The following GTF2H1 variants were observed in gnomAD, a reference collection of about 807,000 sequenced individuals.
GTF2H1 encodes the protein general transcription factor IIH subunit 1.
GTF2H1 carries 16 observed loss-of-function variants against 71.2 expected under a neutral mutation model. The observed-to-expected ratio is 0.22, with a 90% confidence interval of 0.15 to 0.34. The LOEUF (loss-of-function observed/expected upper bound fraction) is 0.34. Among genes scored for constraint, GTF2H1 ranks in the 10% least tolerant of loss-of-function variants. The pLI, the probability that GTF2H1 is intolerant of heterozygous loss-of-function variation, is 1.00. For missense variants in GTF2H1, 498 were observed against 648.2 expected (o/e 0.77, Z 2.52); for synonymous variants, 215 against 219.0 (o/e 0.98, Z 0.16).
intron 5 of GTF2H1, among the ~76,000 whole-genome samples, chr11:18,339,933 C>T (rs1865118031): frequency 6.6e-6 from 1 of 152,196 alleles, no homozygotes; most frequent in African/African-American, 2.4e-5. Context: ...CCACAAATTA[C>T]TTCCCGTGCA....
rs191989984 is a variant in GTF2H1, at chr11:18,322,602, C to A, written c.-154C>A. 2 of 152,278 alleles carry A rather than the reference C, an allele frequency of 1.3e-5. No individual in the cohort carries two copies. Among genetic ancestry groups the A allele is most frequent in the Non-Finnish European group, 2.9e-5 (2 of 68,086 alleles). The allele number at this position is 152,278 out of a possible 1,614,324, so 9.4% of individuals were successfully genotyped here. ...CAGCCAGCGATGGAGGCGAGACCCC[C>A]TAGTAACAGAGGCGGTGGCTACTGC... is the stretch of plus-strand genomic sequence containing the variant. On this transcript the variant is annotated 5_prime_UTR_variant, in exon 1 of 15. Coordinates refer to ENST00000265963, the MANE Select transcript of GTF2H1 (RefSeq NM_005316.4).
At chr11:18,342,655 C>T (rs758792159) in intron 7 of GTF2H1, among the ~76,000 whole-genome samples, 1 of 152,148 alleles carries the variant, frequency 6.6e-6, no homozygotes, top group Non-Finnish European at 1.5e-5. Flanking sequence ...ACATGGCCCT[C>T]TTTAATTATC....
intron 3 of GTF2H1, among the ~76,000 whole-genome samples, chr11:18,337,292 A>C (rs1423000147): frequency 6.6e-6 from 1 of 152,160 alleles, no homozygotes; most frequent in Non-Finnish European, 1.5e-5. Flanking sequence ...CTATGTATAC[A>C]AAAATTAGCT....
chr11:18,357,978 T>A lies in GTF2H1; in HGVS notation c.1287T>A (p.Ser429Arg). 6.2e-7 allele frequency: 1 copy of A among 1,610,950 alleles called. No individual in the cohort carries two copies. The highest frequency in any genetic ancestry group is 1.3e-5 in the African/African-American group (1 of 74,884). The change falls in exon 12 of 15, where the codon AGT (serine) becomes AGA (arginine). Residue 429 changes from serine to arginine, a missense_variant. Physicochemically the swap from Ser to Arg is moderately radical, Grantham distance 110 (BLOSUM62 -1). Transcript: ENST00000265963. ...TTCTCTCAAGTAGTGCTGCCAGTAG[T>A]ACCATCACAGCACTGTCACCTGGAG... Reference protein sequence around the residue: ...TQVLSSSAASSTITALSPGGA... With the variant: ...TQVLSSSAASRTITALSPGGA...
At chr11:18,347,762 C>T in intron 8 of GTF2H1, 47 bp downstream of exon 8, 1 of 1,601,432 alleles carries the variant, frequency 6.2e-7, no homozygotes, top group Non-Finnish European at 8.5e-7. Flanking sequence ...TTCAGGATAT[C>T]CAGATGGAGT....
intron 10 of GTF2H1, 78 bp from the exon 11 acceptor site, chr11:18,352,251 C>G (rs1380911147): frequency 1.4e-5 from 10 of 723,068 alleles, no homozygotes; most frequent in African/African-American, 3.5e-5. Context: ...TTAGTACTGA[C>G]TGCTAAAATG....
chr11:18,327,736 G>A (rs796632148), intron 1 of GTF2H1, among the ~76,000 whole-genome samples: 28 of 152,266 alleles, frequency 1.8e-4, no homozygotes, highest in African/African-American at 6.5e-4. Flanking sequence ...CTACAGATGT[G>A]TACCACCAGG....
At chr11:18,336,638 A>G (rs1865035015) in intron 3 of GTF2H1, among the ~76,000 whole-genome samples, 1 of 152,138 alleles carries the variant, frequency 6.6e-6, no homozygotes, top group African/African-American at 2.4e-5. Context: ...AAGTTCCTTA[A>G]TTTCTTTTCC....
chr11:18,364,962 G>A (rs1261251172), intron 14 of GTF2H1, among the ~76,000 whole-genome samples: 1 of 151,644 alleles, frequency 6.6e-6, no homozygotes, highest in Admixed American at 6.6e-5. Flanking sequence ...GGGCACAGCA[G>A]CTCACGCCTG....
At chr11:18,334,292 A>G (rs1590183835) in intron 2 of GTF2H1, among the ~76,000 whole-genome samples, 1 of 152,176 alleles carries the variant, frequency 6.6e-6, no homozygotes. Context: ...AGGCAGGAGA[A>G]TGGCGTGAAC....
Position 18,324,524 on chromosome 11 carries a change from C to T in GTF2H1, c.-16+1784C>T, listed in dbSNP as rs1864712562. On this transcript the variant is annotated intron_variant, in intron 1 of 14. Transcript: ENST00000265963. ...GGCTTGTAACTTCTCCCTGCTGGTACCATGTGTCCTGCCCTCTGATAACCT... is the reference window on the plus strand; with the variant it reads ...GGCTTGTAACTTCTCCCTGCTGGTATCATGTGTCCTGCCCTCTGATAACCT... 2.0e-5 allele frequency among the ~76,000 whole-genome samples: 3 copies of T among 152,280 alleles called. No homozygotes were observed. The South Asian group carries it at 6.2e-4, about 32-fold the overall frequency.
chr11:18,356,374 T>C (rs1865545608), intron 11 of GTF2H1, among the ~76,000 whole-genome samples: 1 of 128,442 alleles, frequency 7.8e-6, no homozygotes, highest in African/African-American at 3.3e-5. Context: ...TGAGACTCTG[T>C]CTCAAAAAAA....
In GTF2H1 at chr11:18,339,565, C is replaced by A; in HGVS notation, c.515C>A (p.Ala172Asp). The part of the protein sequence containing the change: ...QDVGISAAFL[A>D]DVRPQTDGCN... Reference sequence around the variant, plus strand: ...ATGTGTGTATGGGCTTTGTTTTAGGCTGATGTCCGGCCCCAAACTGATGGC... The same window carrying A: ...ATGTGTGTATGGGCTTTGTTTTAGGATGATGTCCGGCCCCAAACTGATGGC... The change falls in exon 5 of 15, where the codon GCT (alanine) becomes GAT (aspartate). Residue 172 changes from alanine (A) to aspartate (D), a missense_variant and splice_region_variant. This residue lies in a region of GTF2H1 where 216 missense variants were observed against 306.2 expected (regional missense o/e 0.71). Transcript: ENST00000265963. 6.2e-7 allele frequency: 1 copy of A among 1,609,408 alleles called. No individual in the cohort carries two copies. The highest frequency in any genetic ancestry group is 8.5e-7 in the Non-Finnish European group (1 of 1,175,894).
intron 14 of GTF2H1, among the ~76,000 whole-genome samples, chr11:18,361,674 G>C (rs1865703480): frequency 6.6e-6 from 1 of 152,074 alleles, no homozygotes; most frequent in African/African-American, 2.4e-5. Flanking sequence ...GTCTCAAAAA[G>C]TTTTACAATC....
At chr11:18,324,083 T>C (rs1423999632) in intron 1 of GTF2H1, among the ~76,000 whole-genome samples, 1 of 151,252 alleles carries the variant, frequency 6.6e-6, no homozygotes, top group Non-Finnish European at 1.5e-5. Flanking sequence ...GGAGTTTTGC[T>C]CTTGTTGCCC....
Position 18,358,008 on chromosome 11 carries a change from A to C in GTF2H1, c.1317A>C (p.Ala439=). 1 of 1,612,904 alleles carries C rather than the reference A, an allele frequency of 6.2e-7. No homozygotes were observed. Among genetic ancestry groups the C allele is most frequent in the Non-Finnish European group, 8.5e-7 (1 of 1,178,992 alleles). The change falls in exon 12 of 15, where the codon GCA becomes GCC. Residue 439 remains alanine, a synonymous_variant. Coordinates refer to ENST00000265963, the MANE Select transcript of GTF2H1 (RefSeq NM_005316.4). The part of the protein sequence containing the change: ...STITALSPGG[A]LMQGGTQQAI... ...TCACAGCACTGTCACCTGGAGGGGC[A>C]CTTATGCAGGGAGGAACACAGCAAG...
chr11:18,328,636 CT>C (rs1864825348), intron 1 of GTF2H1, among the ~76,000 whole-genome samples: 2 of 151,972 alleles, frequency 1.3e-5, no homozygotes, highest in South Asian at 4.2e-4. Flanking sequence ...ACCAGCCTGG[CT>C]AACACGGCGA....
At chr11:18,358,189 G>C (rs1865607220) in intron 12 of GTF2H1, 147 bp downstream of exon 12, 4 of 636,970 alleles carry the variant, frequency 6.3e-6, no homozygotes, top group African/African-American at 1.8e-5. Flanking sequence ...TTCAGATTCT[G>C]AAACACATCT....
In GTF2H1 at chr11:18,331,705, G is replaced by T. The variant is rs184788097; in HGVS notation, c.-15-1355G>T. On this transcript the variant is annotated intron_variant, in intron 1 of 14. Transcript: ENST00000265963. ...TGATGGTTTAAGTAGTTTTTTGGGG[G>T]TTTTTTTTTTGTAACTTTATTACAA... is the stretch of plus-strand genomic sequence containing the variant. 4.8e-3 allele frequency among the ~76,000 whole-genome samples: 709 copies of T among 146,828 alleles called. 6 individuals are homozygous for T. Among genetic ancestry groups the T allele is most frequent in the Middle Eastern group, 0.014 (4 of 290 alleles).
Sources: gnomAD v4.1 joint callset for allele counts (sites outside exome capture counted in the v4.1 genomes callset) on GRCh38, gnomAD v4.1.1 for gene constraint, gnomAD v4.1.1 regional missense constraint, MANE v1.5 for transcripts, NCBI Gene and HGNC (gene_info 2026-07-23, HGNC 2026-07-21) for gene names.